Variants in RIMBP2 observed in about 807,000 individuals in gnomAD.
The protein encoded by RIMBP2 is RIMS binding protein 2, also known as RIMS-binding protein 2.
RIMBP2 carries 48 observed loss-of-function variants against 118.6 expected under a neutral mutation model. That is an observed-to-expected ratio of 0.40 (90% CI 0.32 to 0.51). The LOEUF is 0.51. RIMBP2 is among the 20% of genes least tolerant of loss of function. RIMBP2 has a pLI of 0.41. For missense variants in RIMBP2, 1,551 were observed against 1,768.3 expected, an observed-to-expected ratio of 0.88 and a Z score of 2.20; for synonymous variants, 762 against 742.9, an observed-to-expected ratio of 1.03 and a Z score of -0.42.
At chr12:130,626,597 C>T (rs1251859064) in intron 2 of RIMBP2, among the ~76,000 whole-genome samples, 1 of 151,950 alleles carries the variant, frequency 6.6e-6, no homozygotes, top group African/African-American at 2.4e-5. Context: ...CCGCCGGCAT[C>T]ACCACCATCT....
intron 4 of RIMBP2, among the ~76,000 whole-genome samples, chr12:130,490,744 G>C (rs2048561024): frequency 6.6e-6 from 1 of 152,194 alleles, no homozygotes; most frequent in Non-Finnish European, 1.5e-5. Context: ...TGTGAAGGCT[G>C]AGACCTGTGA....
chr12:130,584,987 C>T (rs147291829), intron 2 of RIMBP2, among the ~76,000 whole-genome samples: 306 of 152,206 alleles, frequency 2.0e-3, no homozygotes, highest in African/African-American at 7.0e-3. Flanking sequence ...ATCTCTTGGG[C>T]TCAAGCAATG....
At chr12:130,654,980 G>T (rs964930091) in intron 1 of RIMBP2, among the ~76,000 whole-genome samples, 1 of 152,214 alleles carries the variant, frequency 6.6e-6, no homozygotes, top group Admixed American at 6.5e-5. Flanking sequence ...AGCCATTCAT[G>T]AGGGACCTGC....
chr12:130,609,952 C>A (rs990256208), intron 2 of RIMBP2, among the ~76,000 whole-genome samples: 1 of 152,180 alleles, frequency 6.6e-6, no homozygotes, highest in African/African-American at 2.4e-5. Flanking sequence ...TGCCCTCATA[C>A]ATTTGTGACG....
At chr12:130,627,536 T>G (rs992366893) in intron 2 of RIMBP2, among the ~76,000 whole-genome samples, 1 of 152,192 alleles carries the variant, frequency 6.6e-6, no homozygotes, top group East Asian at 1.9e-4. Context: ...GATTTTCCCG[T>G]GTATTTAGGT....
chr12:130,667,915 C>T (rs1004029365), intron 1 of RIMBP2: 4 of 152,204 alleles, frequency 2.6e-5, no homozygotes, highest in Non-Finnish European at 4.4e-5. Flanking sequence ...TCAGACCTGG[C>T]CTTGTGTGTC....
intron 2 of RIMBP2, among the ~76,000 whole-genome samples, chr12:130,566,317 T>A (rs1323323297): frequency 6.6e-6 from 1 of 152,078 alleles, no homozygotes; most frequent in East Asian, 1.9e-4. Flanking sequence ...AGACAAGAGG[T>A]GCAAGGTGGC....
intron 1 of RIMBP2, among the ~76,000 whole-genome samples, chr12:130,687,968 A>G (rs139031159): frequency 3.3e-5 from 5 of 152,318 alleles, no homozygotes; most frequent in African/African-American, 1.2e-4. Flanking sequence ...GATTTTAGAA[A>G]TTATTACCAC....
intron 1 of RIMBP2, among the ~76,000 whole-genome samples, chr12:130,643,724 C>T (rs2062727528): frequency 6.6e-6 from 1 of 152,206 alleles, no homozygotes; most frequent in Non-Finnish European, 1.5e-5. Flanking sequence ...GGACATGTGT[C>T]AGTGAATAAC....
At chr12:130,641,766 G>A (rs1381273396) in intron 1 of RIMBP2, among the ~76,000 whole-genome samples, 1 of 152,144 alleles carries the variant, frequency 6.6e-6, no homozygotes, top group Non-Finnish European at 1.5e-5. Flanking sequence ...TGCCCCTTAT[G>A]CTTGGCTGGA....
At chr12:130,478,603 T>C (rs1983313) in intron 5 of RIMBP2, among the ~76,000 whole-genome samples, 93,449 of 152,140 alleles carry the variant, frequency 0.61, 29,345 homozygotes, top group Admixed American at 0.75. Context: ...TGCACACTGC[T>C]TTTTCCAGAA....
chr12:130,461,016 A>G (rs1050734253), intron 6 of RIMBP2, among the ~76,000 whole-genome samples: 1 of 152,042 alleles, frequency 6.6e-6, no homozygotes, highest in Non-Finnish European at 1.5e-5. Flanking sequence ...TTCTCCTCCA[A>G]GGGGCCACCA....
chr12:130,433,798 G>A (rs1246015726), intron 14 of RIMBP2, among the ~76,000 whole-genome samples: 2 of 152,162 alleles, frequency 1.3e-5, no homozygotes, highest in African/African-American at 2.4e-5. Context: ...GAGAATGGAC[G>A]AGACAGAACT....
In RIMBP2 at chr12:130,422,573, A is replaced by G. The variant is rs1001627271; in HGVS notation, c.3130-12T>C. 1 of 1,578,022 alleles carries G rather than the reference A, an allele frequency of 6.3e-7. No homozygotes were observed. The highest frequency in any genetic ancestry group is 8.7e-7 in the Non-Finnish European group (1 of 1,155,230). Reference sequence around the variant, plus strand: ...GGGTTCCCTAAAATCTAAAGACAAAACAACAACAAAGTCGTAAGTCTCGCC... The same window carrying G: ...GGGTTCCCTAAAATCTAAAGACAAAGCAACAACAAAGTCGTAAGTCTCGCC... On this transcript the variant is annotated splice_polypyrimidine_tract_variant and intron_variant, in intron 16 of 22. Transcript: ENST00000690449. The surrounding 1 kb of genome is among the most constrained non-coding windows in gnomAD (Gnocchi z 5.2).
Position 130,688,648 on chromosome 12 carries a change from C to A in RIMBP2, c.-352+27574G>T, listed in dbSNP as rs2136633894. ...CCCTGCAGCAGGAGGGTGTGCTGGC[C>A]TTTCTTGGTGCCCAAGGGCAGGTGA... On this transcript the variant is annotated intron_variant, in intron 1 of 22. Transcript: ENST00000690449. This position sits in a 1 kb window ranked among gnomAD's most constrained non-coding sequence, Gnocchi z 4.7. Among the ~76,000 whole-genome samples the A allele has an allele frequency of 6.6e-6, 1 of 152,130 alleles. No homozygotes were observed. Among genetic ancestry groups the A allele is most frequent in the East Asian group, 1.9e-4 (1 of 5,140 alleles).
intron 7 of RIMBP2, among the ~76,000 whole-genome samples, 168 bp downstream of exon 7, chr12:130,456,328 T>C (rs1167154489): frequency 1.3e-5 from 2 of 152,174 alleles, no homozygotes; most frequent in African/African-American, 2.4e-5. Flanking sequence ...GTGTACCGTG[T>C]GCCCCACGGC....
chr12:130,534,772 C>T (rs2053837691), intron 2 of RIMBP2, among the ~76,000 whole-genome samples: 1 of 152,188 alleles, frequency 6.6e-6, no homozygotes, highest in African/African-American at 2.4e-5. Context: ...AGTCCAAACC[C>T]AGACACCTCT....
rs568286106 is a variant in RIMBP2 at position 130,409,673 on chromosome 12, C to G, written c.3590-1844G>C. Among the ~76,000 whole-genome samples the G allele has an allele frequency of 2.6e-5, 4 of 152,196 alleles. No individual in the cohort carries two copies. The South Asian group carries it at 8.3e-4, about 32-fold the overall frequency. On this transcript the variant is annotated intron_variant, in intron 19 of 22. Coordinates refer to ENST00000690449, the MANE Select transcript of RIMBP2 (RefSeq NM_001393629.1). The stretch of plus-strand genomic sequence containing the variant: ...TGTAGCTTTTGAGACAGGCTTCTTT[C>G]ATCTGGATGACGCCTCTGAGATTCA...
rs138110490 is a variant in RIMBP2, at chr12:130,626,690, C to A, written c.-217+1632G>T. Among the ~76,000 whole-genome samples the A allele has an allele frequency of 5.9e-3, 891 of 150,864 alleles. 7 individuals carry two copies. The highest frequency in any genetic ancestry group is 0.021 in the African/African-American group (841 of 40,954). ...CCAGTCATCACCATCTCTTCCATCA[C>A]AACTACTGCTTCATCACACCTCCTC... On this transcript the variant is annotated intron_variant, in intron 2 of 22. Transcript: ENST00000690449.
Sources: gnomAD v4.1 joint callset for allele counts (sites outside exome capture counted in the v4.1 genomes callset) on GRCh38, gnomAD v4.1.1 for gene constraint, Gnocchi (gnomAD v3.1) non-coding constraint, MANE v1.5 for transcripts, NCBI Gene and HGNC (gene_info 2026-07-23, HGNC 2026-07-21) for gene names.